Variants in RBM46 observed in about 807,000 individuals in gnomAD.
The protein encoded by RBM46 is probable RNA-binding protein 46.
Under a neutral mutation model 43.3 loss-of-function variants are expected in RBM46, and 12 were observed. The observed-to-expected ratio is 0.28, with a 90% confidence interval of 0.18 to 0.45. The LOEUF is 0.45. Among genes scored for constraint, RBM46 ranks in the 20% least tolerant of loss-of-function variants. RBM46 has a pLI of 1.00. For synonymous variants in RBM46, 205 were observed against 207.6 expected (o/e 0.99, Z 0.11); for missense variants, 412 against 639.1 (o/e 0.64, Z 3.83).
Position 154,793,806 on chromosome 4 carries a change from T to C in RBM46, c.-11-2936T>C, listed in dbSNP as rs1021844518. On this transcript the variant is annotated intron_variant, in intron 1 of 4. Coordinates refer to ENST00000281722, the MANE Select transcript of RBM46 (RefSeq NM_144979.5). ...TTTAGTAGCCACTGCCTTTTTCAGA[T>C]GGTGCATTGGACTTTATAGGAGCAC... 1.3e-5 allele frequency among the ~76,000 whole-genome samples: 2 copies of C among 152,244 alleles called. 1 individual carries two copies. Among genetic ancestry groups the C allele is most frequent in the East Asian group, 3.8e-4 (2 of 5,204 alleles).
intron 4 of RBM46, among the ~76,000 whole-genome samples, chr4:154,814,942 G>C (rs779519104): frequency 6.6e-6 from 1 of 150,582 alleles, no homozygotes; most frequent in Non-Finnish European, 1.5e-5. Flanking sequence ...GGACTATGTC[G>C]GTATAACTCA....
At chr4:154,787,583 T>C (rs1733844725) in intron 1 of RBM46, among the ~76,000 whole-genome samples, 2 of 152,154 alleles carry the variant, frequency 1.3e-5, no homozygotes, top group Admixed American at 6.5e-5. Flanking sequence ...CAGTCTATCA[T>C]TGATGGACAT....
At chr4:154,801,051 G>A (rs1163129792) in intron 4 of RBM46, among the ~76,000 whole-genome samples, 1 of 150,964 alleles carries the variant, frequency 6.6e-6, no homozygotes, top group Non-Finnish European at 1.5e-5. Flanking sequence ...CATGATCTTG[G>A]CTCACTGCAA....
intron 4 of RBM46, among the ~76,000 whole-genome samples, 175 bp downstream of exon 4, chr4:154,799,739 C>T (rs1214494274): frequency 6.7e-6 from 1 of 148,548 alleles, no homozygotes; most frequent in African/African-American, 2.5e-5. Flanking sequence ...GTAAAATCTT[C>T]CTACATTTAG....
At chr4:154,800,653 A>G (rs747818376) in intron 4 of RBM46, among the ~76,000 whole-genome samples, 4 of 137,246 alleles carry the variant, frequency 2.9e-5, no homozygotes, top group Non-Finnish European at 6.1e-5. Context: ...TAATGCGGCT[A>G]TAGATTTTAG....
chr4:154,795,367 G>C (rs1734299560), intron 1 of RBM46, among the ~76,000 whole-genome samples: 1 of 152,046 alleles, frequency 6.6e-6, no homozygotes, highest in African/African-American at 2.4e-5. Context: ...TTTATTTTAA[G>C]GAAATTAGCT....
chr4:154,782,587 G>T (rs1733547101), intron 1 of RBM46, among the ~76,000 whole-genome samples: 1 of 152,144 alleles, frequency 6.6e-6, no homozygotes, highest in South Asian at 2.1e-4. Context: ...GGGTTCAAGC[G>T]ATTCTCCTGC....
At chr4:154,812,735 C>T (rs1390376073) in intron 4 of RBM46, among the ~76,000 whole-genome samples, 1 of 152,170 alleles carries the variant, frequency 6.6e-6, no homozygotes, top group East Asian at 1.9e-4. Flanking sequence ...TCCACATTCT[C>T]CTGTTCAGAA....
chr4:154,812,996 T>G (rs1265878525), intron 4 of RBM46, among the ~76,000 whole-genome samples: 1 of 152,206 alleles, frequency 6.6e-6, no homozygotes, highest in Non-Finnish European at 1.5e-5. Flanking sequence ...TTTTCTTCCA[T>G]CAGTGTATAT....
chr4:154,792,469 G>A (rs1310790776), intron 1 of RBM46, among the ~76,000 whole-genome samples: 4 of 152,114 alleles, frequency 2.6e-5, no homozygotes, highest in African/African-American at 9.7e-5. Context: ...CTCTCCTTCC[G>A]TGTCTCATTC....
At chr4:154,793,371 T>A (rs1422643904) in intron 1 of RBM46, among the ~76,000 whole-genome samples, 4 of 152,250 alleles carry the variant, frequency 2.6e-5, no homozygotes, top group Admixed American at 2.6e-4. Context: ...ATCTGTAGGT[T>A]AAATTTTTAG....
In RBM46 at chr4:154,828,291, T is replaced by C. The variant is rs1290297531; in HGVS notation, c.*224T>C. ...ATTCAGTGGTTTCTCTTGATAAAGG[T>C]ACAGCAAACTACTATTCTTTTTAAA... On this transcript the variant is annotated 3_prime_UTR_variant, in exon 5 of 5. Transcript: ENST00000281722. 4.0e-6 allele frequency: 2 copies of C among 501,182 alleles called. No individual in the cohort carries two copies. Among genetic ancestry groups the C allele is most frequent in the Non-Finnish European group, 7.1e-6 (2 of 283,350 alleles). 31.0% of individuals were successfully genotyped at this position (501,182 alleles called of 1,614,324 possible).
intron 1 of RBM46, among the ~76,000 whole-genome samples, chr4:154,795,463 T>C (rs1302033604): frequency 6.6e-6 from 1 of 152,164 alleles, no homozygotes; most frequent in African/African-American, 2.4e-5. Flanking sequence ...CTAAAGTATT[T>C]TTATGTAGTA....
intron 4 of RBM46, 32 bp from the exon 5 acceptor site, chr4:154,827,836 T>G (rs1281491089): frequency 6.2e-7 from 1 of 1,609,294 alleles, no homozygotes; most frequent in Non-Finnish European, 8.5e-7. Flanking sequence ...CATAAAGATG[T>G]ACAGCATAAT....
intron 4 of RBM46, among the ~76,000 whole-genome samples, chr4:154,801,249 A>G (rs1477454192): frequency 6.6e-6 from 1 of 152,072 alleles, no homozygotes; most frequent in East Asian, 1.9e-4. Context: ...AAAGTATATT[A>G]CAAATATTTT....
intron 3 of RBM46, 146 bp from the exon 4 acceptor site, chr4:154,798,636 T>G (rs1734463410): frequency 1.7e-6 from 1 of 591,370 alleles, no homozygotes; most frequent in African/African-American, 1.9e-5. Flanking sequence ...TAGTAAAAAT[T>G]TTTGTGTGAA....
At chr4:154,824,577 G>T (rs557218727) in intron 4 of RBM46, among the ~76,000 whole-genome samples, 88 of 152,138 alleles carry the variant, frequency 5.8e-4, no homozygotes, top group Middle Eastern at 3.4e-3. Flanking sequence ...TTGAGAGATT[G>T]TCTGGATTAT....
chr4:154,785,817 A>G (rs1733732483), intron 1 of RBM46, among the ~76,000 whole-genome samples: 1 of 152,148 alleles, frequency 6.6e-6, no homozygotes, highest in East Asian at 1.9e-4. Flanking sequence ...GGTCTTTTCG[A>G]TTACTAATTT....
intron 4 of RBM46, among the ~76,000 whole-genome samples, chr4:154,815,679 T>C (rs1735402599): frequency 6.6e-6 from 1 of 152,036 alleles, no homozygotes; most frequent in African/African-American, 2.4e-5. Context: ...TATTACTTAA[T>C]ATAGAAGTCC....
Sources: allele counts gnomAD v4.1 joint callset (sites outside exome capture counted in the v4.1 genomes callset), GRCh38; gene constraint gnomAD v4.1.1; transcripts MANE v1.5; gene names NCBI Gene and HGNC (gene_info 2026-07-23, HGNC 2026-07-21).